SKIDA1: variants seen among roughly 807,000 people sequenced by gnomAD.
The protein encoded by SKIDA1 is SKI/DACH domain-containing protein 1.
A neutral mutation model predicts 51.4 loss-of-function variants in SKIDA1; 18 were observed. That is an observed-to-expected ratio of 0.35 (90% CI 0.24 to 0.52). The LOEUF (loss-of-function observed/expected upper bound fraction) is 0.52. Among genes scored for constraint, SKIDA1 ranks in the 20% least tolerant of loss-of-function variants. The probability of loss-of-function intolerance (pLI) is 0.95; values close to 1 mark genes in which losing one functional copy is unlikely to be tolerated. For missense variants in SKIDA1, 1,104 were observed against 1,180.6 expected (o/e 0.94, Z 0.95); for synonymous variants, 579 against 500.5 (o/e 1.16, Z -2.09).
chr10:21,516,662 G>C lies in SKIDA1; in HGVS notation c.1161C>G (p.Ser387=), dbSNP rs1159759009. The change falls in exon 4 of 4, where the codon TCC becomes TCG. Residue 387 remains serine (S), a synonymous_variant. Transcript: ENST00000449193. This position sits in a 1 kb window ranked among gnomAD's most constrained non-coding sequence, Gnocchi z 5.7. ...AGTCGTTGGCCGCGTGGTCCGAGTA[G>C]GAGCTGGACTCGGAGTCGCTGCTGC... ...ESCSSDSESS[S]YSDHAANDSD... 2 of 1,551,632 alleles carry C rather than the reference G, an allele frequency of 1.3e-6. No homozygotes were observed. Among genetic ancestry groups the C allele is most frequent in the Non-Finnish European group, 1.7e-6 (2 of 1,147,012 alleles).
In SKIDA1 at chr10:21,517,332, C is replaced by A. The variant is rs925162372; in HGVS notation, c.491G>T (p.Arg164Leu). Residue 164 changes from arginine (R) to leucine (L), a missense_variant, in exon 4 of 4, where the codon CGC (arginine) becomes CTC (leucine). Physicochemically the swap from Arg to Leu is moderately radical, Grantham distance 102. Coordinates refer to ENST00000449193, the MANE Select transcript of SKIDA1 (RefSeq NM_207371.4). The surrounding 1 kb of genome is among the most constrained non-coding windows in gnomAD (Gnocchi z 6.9). ...QSQRPGAAAA[R>L]PAAHLPQIFS... ...AATCTGAGGTAGATGGGCGGCGGGGCGCGCGGCGGCGGCGCCCGGGCGCTG... is the reference window on the plus strand; with the variant it reads ...AATCTGAGGTAGATGGGCGGCGGGGAGCGCGGCGGCGGCGCCCGGGCGCTG... 2.8e-6 allele frequency: 4 copies of A among 1,423,932 alleles called. No individual in the cohort carries two copies. Among genetic ancestry groups the A allele is most frequent in the East Asian group, 3.1e-5 (1 of 32,220 alleles). 88.2% of individuals were successfully genotyped at this position (1,423,932 alleles called of 1,614,324 possible). A position where few individuals can be genotyped will look rare whatever the true frequency, so the allele number is the denominator to read the frequency against.
chr10:21,525,066 G>C (rs901694409), intron 1 of SKIDA1, among the ~76,000 whole-genome samples: 1 of 152,158 alleles, frequency 6.6e-6, no homozygotes, highest in Non-Finnish European at 1.5e-5. Flanking sequence ...AATGCACGGA[G>C]GCAAAGCCCA....
chr10:21,516,596 C>G lies in SKIDA1; in HGVS notation c.1227G>C (p.Val409=). The change falls in exon 4 of 4, where the codon GTG becomes GTC. Residue 409 remains valine, a synonymous_variant. Transcript: ENST00000449193. This position sits in a 1 kb window ranked among gnomAD's most constrained non-coding sequence, Gnocchi z 5.7. ...GSSLSSSSNS[V]SSEEEEEEGE... Reference sequence around the variant, plus strand: ...CCTCCTCCTCCTCTTCCTCTGAGGACACAGAATTGCTGGAGCTGGACAAAC... The same window carrying G: ...CCTCCTCCTCCTCTTCCTCTGAGGAGACAGAATTGCTGGAGCTGGACAAAC... The G allele has an allele frequency of 6.4e-7, 1 of 1,552,010 alleles. No homozygotes were observed. Among genetic ancestry groups the G allele is most frequent in the Non-Finnish European group, 8.7e-7 (1 of 1,147,192 alleles).
intron 3 of SKIDA1, among the ~76,000 whole-genome samples, chr10:21,521,058 G>GCACACACACACACACA (rs139184900): frequency 0.02 from 2,922 of 146,704 alleles, 83 homozygotes; most frequent in African/African-American, 0.06. Flanking sequence ...ATGAGTGCAT[G>GCACACACACACACACA]CACACACACA....
Position 21,517,787 on chromosome 10 carries a change from A to G in SKIDA1, c.36T>C (p.Asp12=). 6.2e-7 allele frequency: 1 copy of G among 1,611,850 alleles called. No homozygotes were observed. The highest frequency in any genetic ancestry group is 2.2e-5 in the East Asian group (1 of 44,766). ...GDLKSGFEEV[D]GVRLGYLIIK... is the part of the protein sequence containing the mutation. ...TGATGAGGTAGCCGAGCCTCACGCCATCCACCTCTTCAAAACCTGACTTCA... is the reference window on the plus strand; with the variant it reads ...TGATGAGGTAGCCGAGCCTCACGCCGTCCACCTCTTCAAAACCTGACTTCA... Residue 12 remains aspartate (D), a synonymous_variant, in exon 4 of 4, where the codon GAT becomes GAC. Coordinates refer to ENST00000449193, the MANE Select transcript of SKIDA1 (RefSeq NM_207371.4). This position sits in a 1 kb window ranked among gnomAD's most constrained non-coding sequence, Gnocchi z 6.9.
In SKIDA1 at chr10:21,516,803, G is replaced by A. The variant is rs2032227429; in HGVS notation, c.1020C>T (p.His340=). The A allele has an allele frequency of 6.5e-7, 1 of 1,542,492 alleles. No individual in the cohort carries two copies. The change falls in exon 4 of 4, where the codon CAC becomes CAT. Residue 340 remains histidine (H), a synonymous_variant. Transcript: ENST00000449193. The surrounding 1 kb of genome is among the most constrained non-coding windows in gnomAD (Gnocchi z 5.7). ...GGTGGTGGTGGTGATGGTGGTGGTG[G>A]TGGTGGTGGTGCGGAGGCGGGCAGA... ...NGFCPPPHHH[H]HHHHHHHHHH...
intron 2 of SKIDA1, among the ~76,000 whole-genome samples, chr10:21,522,824 A>T (rs2032447793): frequency 6.6e-6 from 1 of 152,270 alleles, no homozygotes; most frequent in East Asian, 1.9e-4. Context: ...AAATGCAGTG[A>T]CCTTCTACCC....
intron 3 of SKIDA1, among the ~76,000 whole-genome samples, chr10:21,520,016 C>T (rs866965088): frequency 4.9e-4 from 75 of 152,320 alleles, no homozygotes; most frequent in African/African-American, 1.5e-3. Flanking sequence ...ATGTAATCGC[C>T]GCTCTTCAAC....
In SKIDA1 at chr10:21,516,852, TC is replaced by T; in HGVS notation, c.970del (p.Glu324ArgfsTer222). The stretch of plus-strand genomic sequence containing the variant: ...GAAGCCGTTGACCAGATGAAACCTC[TC>T]CAGGCAAGTGGCCCCCGCGGCGGCC... ...AAAAAGATCL[E>X]RFHLVNGFCP... is the part of the protein sequence containing the mutation. On this transcript the variant is annotated frameshift_variant, in exon 4 of 4. Transcript: ENST00000449193. LOFTEE classifies it high-confidence loss of function. This position sits in a 1 kb window ranked among gnomAD's most constrained non-coding sequence, Gnocchi z 5.7. 1 of 1,435,142 alleles carries T rather than the reference TC, an allele frequency of 7.0e-7. No homozygotes were observed. The highest frequency in any genetic ancestry group is 9.2e-7 in the Non-Finnish European group (1 of 1,092,884). The allele number at this position is 1,435,142 out of a possible 1,614,324, so 88.9% of individuals were successfully genotyped here. A position where few individuals can be genotyped will look rare whatever the true frequency, so the allele number is the denominator to read the frequency against.
chr10:21,524,365 T>C (rs2032557487), intron 1 of SKIDA1, among the ~76,000 whole-genome samples: 1 of 152,192 alleles, frequency 6.6e-6, no homozygotes, highest in African/African-American at 2.4e-5. Context: ...AAGTATAAAC[T>C]TAAAAAAATT....
At chr10:21,521,861 TCA>T (rs1330144808) in intron 2 of SKIDA1, among the ~76,000 whole-genome samples, 4 of 152,356 alleles carry the variant, frequency 2.6e-5, no homozygotes, top group African/African-American at 9.6e-5. Flanking sequence ...ATCAGCACTT[TCA>T]GTTTTTAAAG....
Position 21,516,707 on chromosome 10 carries a change from C to T in SKIDA1, c.1116G>A (p.Leu372=). Reference sequence around the variant, plus strand: ...TGCTGCAGCTCTCGGGAAAGCTGCCCAGATGGGGCTGCGGCCGGTGGTGGT... The same window carrying T: ...TGCTGCAGCTCTCGGGAAAGCTGCCTAGATGGGGCTGCGGCCGGTGGTGGT... The part of the protein sequence containing the change: ...PPHHHRPQPH[L]GSFPESCSSD... Residue 372 remains leucine, a synonymous_variant, in exon 4 of 4, where the codon CTG becomes CTA. Coordinates refer to ENST00000449193, the MANE Select transcript of SKIDA1 (RefSeq NM_207371.4). This position sits in a 1 kb window ranked among gnomAD's most constrained non-coding sequence, Gnocchi z 5.7. 1 of 1,551,236 alleles carries T rather than the reference C, an allele frequency of 6.4e-7. No individual in the cohort carries two copies. Among genetic ancestry groups the T allele is most frequent in the Admixed American group, 2.0e-5 (1 of 51,000 alleles).
In SKIDA1 at chr10:21,516,581, C is replaced by A. The variant is rs1564334072; in HGVS notation, c.1242G>T (p.Glu414Asp). The A allele has an allele frequency of 1.3e-6, 2 of 1,552,326 alleles. No individual in the cohort carries two copies. Among genetic ancestry groups the A allele is most frequent in the Admixed American group, 3.9e-5 (2 of 51,034 alleles). ...SSSNSVSSEE[E>D]EEEGEEEEEE... Reference sequence around the variant, plus strand: ...CCTCCTCCTCCTCTCCCTCCTCCTCCTCTTCCTCTGAGGACACAGAATTGC... The same window carrying A: ...CCTCCTCCTCCTCTCCCTCCTCCTCATCTTCCTCTGAGGACACAGAATTGC... Residue 414 changes from glutamate to aspartate, a missense_variant, in exon 4 of 4, where the codon GAG becomes GAT. Glu to Asp is a conservative substitution (Grantham distance 45). This residue lies in a region of SKIDA1 where 938 missense variants were observed against 886.4 expected (regional missense o/e 1.06). Transcript: ENST00000449193. The surrounding 1 kb of genome is among the most constrained non-coding windows in gnomAD (Gnocchi z 5.7).
At chr10:21,524,780 GTGTT>G (rs1336009590) in intron 1 of SKIDA1, 1 of 152,250 alleles carries the variant, frequency 6.6e-6, no homozygotes, top group South Asian at 2.1e-4. Context: ...GAGAAGGTAA[GTGTT>G]TGTCCTTGTA....
Position 21,521,887 on chromosome 10 carries a change from A to G in SKIDA1, c.-1928-407T>C, listed in dbSNP as rs1564338284. On this transcript the variant is annotated intron_variant, in intron 2 of 3. Transcript: ENST00000449193. The stretch of plus-strand genomic sequence containing the variant: ...CAGTTTTTAAAGTGAAGGGCCATGA[A>G]AATATGAACATATTTGTCTTTACTT... Among the ~76,000 whole-genome samples, 3 of 152,364 alleles carry G rather than the reference A, an allele frequency of 2.0e-5. No individual in the cohort carries two copies. In the East Asian group the frequency reaches 5.8e-4, roughly 29 times the overall value.
Position 21,516,387 on chromosome 10 carries a change from G to T in SKIDA1, c.1436C>A (p.Ala479Glu), listed in dbSNP as rs1394803452. Residue 479 changes from alanine (A) to glutamate (E), a missense_variant, in exon 4 of 4, where the codon GCG becomes GAG. Transcript: ENST00000449193. This position sits in a 1 kb window ranked among gnomAD's most constrained non-coding sequence, Gnocchi z 5.7. ...TSFCKPPSVQAQANFLYHLAS... is the reference protein window; with the variant it reads ...TSFCKPPSVQEQANFLYHLAS... ...CAGATGGTACAAGAAGTTGGCCTGC[G>T]CCTGCACGCTGGGAGGCTTGCAGAA... 3.7e-6 allele frequency: 6 copies of T among 1,613,434 alleles called. No homozygotes were observed. The highest frequency in any genetic ancestry group is 4.2e-6 in the Non-Finnish European group (5 of 1,179,886).
At position 21,515,215 on chromosome 10, in the gene SKIDA1, A is replaced by G; in HGVS notation, c.2608T>C (p.Leu870=). Residue 870 remains leucine (L), a synonymous_variant, in exon 4 of 4, where the codon TTA becomes CTA. Transcript: ENST00000449193. ...GTTTGAGAATCCTTAGTGGTGTTTA[A>G]GGAATACGCCGGCCACAAATCCCCA... ...RDGDLWPAYS[L]NTTKDSQTPH... 1 of 1,613,980 alleles carries G rather than the reference A, an allele frequency of 6.2e-7. No homozygotes were observed. Among genetic ancestry groups the G allele is most frequent in the Non-Finnish European group, 8.5e-7 (1 of 1,179,878 alleles).
intron 1 of SKIDA1, 36 bp downstream of exon 1, chr10:21,525,511 G>T (rs1311315880): frequency 6.6e-6 from 1 of 152,192 alleles, no homozygotes; most frequent in Non-Finnish European, 1.5e-5. Flanking sequence ...ACCAAGCCCC[G>T]CTCCACCCCA....
Position 21,516,696 on chromosome 10 carries a change from G to A in SKIDA1, c.1127C>T (p.Pro376Leu). 1.3e-6 allele frequency: 2 copies of A among 1,551,480 alleles called. No individual in the cohort carries two copies. The highest frequency in any genetic ancestry group is 1.7e-6 in the Non-Finnish European group (2 of 1,146,922). The change falls in exon 4 of 4, where the codon CCC becomes CTC. Residue 376 changes from proline (P) to leucine (L), a missense_variant. Around this residue, in one of 3 missense-constraint regions of SKIDA1, gnomAD observed 938 missense variants for 886.4 expected, o/e 1.06. Transcript: ENST00000449193. This position sits in a 1 kb window ranked among gnomAD's most constrained non-coding sequence, Gnocchi z 5.7. ...CTCGGAGTCGCTGCTGCAGCTCTCG[G>A]GAAAGCTGCCCAGATGGGGCTGCGG... ...HRPQPHLGSF[P>L]ESCSSDSESS...
Sources: gnomAD v4.1 joint callset for allele counts (sites outside exome capture counted in the v4.1 genomes callset) on GRCh38, gnomAD v4.1.1 for gene constraint, gnomAD v4.1.1 regional missense constraint, Gnocchi (gnomAD v3.1) non-coding constraint, MANE v1.5 for transcripts, NCBI Gene and HGNC (gene_info 2026-07-23, HGNC 2026-07-21) for gene names.